TLN2: variants seen among roughly 807,000 people sequenced by gnomAD.
TLN2 encodes talin-2.
In TLN2, 118 loss-of-function variants were observed where a neutral mutation model predicts 294.7. That is an observed-to-expected ratio of 0.40 (90% confidence interval 0.34 to 0.47). The LOEUF (loss-of-function observed/expected upper bound fraction) is 0.47. Among genes scored for constraint, TLN2 ranks in the 20% least tolerant of loss-of-function variants. The pLI, the probability that TLN2 is intolerant of heterozygous loss-of-function variation, is 0.84. For missense variants in TLN2, 3,083 were observed against 3,282.2 expected, an observed-to-expected ratio of 0.94 and a Z score of 1.48; for synonymous variants, 1,431 against 1,304.5, an observed-to-expected ratio of 1.10 and a Z score of -2.09.
intron 3 of TLN2, among the ~76,000 whole-genome samples, chr15:62,632,194 A>C (rs2049965900): frequency 6.6e-6 from 1 of 152,244 alleles, no homozygotes; most frequent in Non-Finnish European, 1.5e-5. Flanking sequence ...TCTGGGGACT[A>C]GTGCCCCTGT....
rs143143109 is a variant in TLN2 at position 62,403,975 on chromosome 15, G to T, written c.-238+13290G>T. Among the ~76,000 whole-genome samples the T allele has an allele frequency of 4.6e-5, 7 of 152,258 alleles. No individual in the cohort carries two copies. The East Asian group carries it at 1.3e-3, about 29-fold the overall frequency. On this transcript the variant is annotated intron_variant, in intron 1 of 58. Transcript: ENST00000636159. ...CATCTCTGCCGCTGTATCCCCAAGT[G>T]CCTGCAAGAATGCCTGGCACATGAT...
chr15:62,410,634 T>G (rs1255049396), intron 1 of TLN2, among the ~76,000 whole-genome samples: 2 of 152,174 alleles, frequency 1.3e-5, no homozygotes, highest in Admixed American at 6.5e-5. Flanking sequence ...GTGGGCTGGG[T>G]GGAGTGGAAT....
In TLN2 at chr15:62,707,169, C is replaced by T. The variant is rs750372670; in HGVS notation, c.2088C>T (p.Ala696=). 42 of 1,614,016 alleles carry T rather than the reference C, an allele frequency of 2.6e-5. No individual in the cohort carries two copies. The highest frequency in any genetic ancestry group is 1.7e-4 in the Admixed American group (10 of 60,002). The change falls in exon 20 of 59, where the codon GCC becomes GCT. Residue 696 remains alanine (A), a synonymous_variant. Coordinates refer to ENST00000636159, the MANE Select transcript of TLN2 (RefSeq NM_015059.3). ...VLKAKNVAQV[A]EDTVLQNRVI... ...AGGCAAAGAATGTTGCCCAAGTGGCCGAAGACACTGTCCTACAGAACAGGG... is the reference window on the plus strand; with the variant it reads ...AGGCAAAGAATGTTGCCCAAGTGGCTGAAGACACTGTCCTACAGAACAGGG...
chr15:62,716,193 T>C, intron 22 of TLN2, 138 bp from the exon 23 acceptor site: 1 of 1,111,542 alleles, frequency 9.0e-7, no homozygotes. Context: ...GGAAACATCT[T>C]CATCATAAAG....
At chr15:62,751,409 T>C (rs1567526253) in intron 34 of TLN2, among the ~76,000 whole-genome samples, 1 of 152,230 alleles carries the variant, frequency 6.6e-6, no homozygotes, top group Non-Finnish European at 1.5e-5. Flanking sequence ...ATGGATTGTC[T>C]AAGGGAAAGA....
At chr15:62,801,562 G>A (rs2065929033) in intron 50 of TLN2, among the ~76,000 whole-genome samples, 1 of 152,168 alleles carries the variant, frequency 6.6e-6, no homozygotes, top group African/African-American at 2.4e-5. Flanking sequence ...AAGCGACCTA[G>A]AGCACTAGAA....
rs149659679 is a variant in TLN2, at chr15:62,620,618, A to T, written c.-37+2143A>T. Among the ~76,000 whole-genome samples the T allele has an allele frequency of 2.7e-3, 413 of 151,596 alleles. 4 individuals carry two copies. The highest frequency in any genetic ancestry group is 9.2e-3 in the African/African-American group (380 of 41,274). On this transcript the variant is annotated intron_variant, in intron 3 of 58. Coordinates refer to ENST00000636159, the MANE Select transcript of TLN2 (RefSeq NM_015059.3). ...CTCAGCCTCCCTAATAGCGGGCACT[A>T]CAGGAGTGTGCCACCATGCCTGGCT...
intron 37 of TLN2, 96 bp from the exon 38 acceptor site, chr15:62,761,585 G>A (rs1343765779): frequency 1.3e-6 from 2 of 1,548,838 alleles, no homozygotes; most frequent in Non-Finnish European, 1.8e-6. Flanking sequence ...CAGTGTTCCG[G>A]TTGAACCACC....
intron 55 of TLN2, 39 bp from the exon 56 acceptor site, chr15:62,835,698 G>C: frequency 6.2e-7 from 1 of 1,612,730 alleles, no homozygotes; most frequent in Non-Finnish European, 8.5e-7. Flanking sequence ...CACTGGGGCT[G>C]CCTGCCCTCA....
chr15:62,650,736 T>G (rs1310676838), intron 5 of TLN2, among the ~76,000 whole-genome samples: 1 of 152,202 alleles, frequency 6.6e-6, no homozygotes, highest in Non-Finnish European at 1.5e-5. Flanking sequence ...GGTTTTGGTA[T>G]GTAGGGTGAA....
intron 1 of TLN2, among the ~76,000 whole-genome samples, chr15:62,460,274 T>C (rs2140338722): frequency 6.6e-6 from 1 of 151,892 alleles, no homozygotes; most frequent in Non-Finnish European, 1.5e-5. Context: ...TTTTTTTTTT[T>C]TTTCCCTTGA....
rs375571258 is a variant in TLN2, at chr15:62,706,934, C to T, written c.2005-152C>T. ...TACAAGTCTCCTTTTTTAATTACTT[C>T]TAAGGATAAGTTGACATTTCAAAAA... On this transcript the variant is annotated intron_variant, in intron 19 of 58. Coordinates refer to ENST00000636159, the MANE Select transcript of TLN2 (RefSeq NM_015059.3). The T allele has an allele frequency of 7.9e-6, 7 of 886,222 alleles. No homozygotes were observed. In the South Asian group the frequency reaches 1.5e-4, roughly 19 times the overall value. 54.9% of individuals were successfully genotyped at this position (886,222 alleles called of 1,614,324 possible).
chr15:62,651,505 T>C (rs1596499592), intron 5 of TLN2, among the ~76,000 whole-genome samples: 1 of 152,146 alleles, frequency 6.6e-6, no homozygotes. Context: ...AGATTGTATA[T>C]GGAAATAATG....
intron 52 of TLN2, 84 bp from the exon 53 acceptor site, chr15:62,819,432 C>A: frequency 1.7e-6 from 2 of 1,160,996 alleles, no homozygotes; most frequent in Non-Finnish European, 2.6e-6. Context: ...TGCCTGACTC[C>A]ACATCCAGCA....
At chr15:62,536,206 CGGG>C (rs1382536852) in intron 1 of TLN2, among the ~76,000 whole-genome samples, 1 of 152,108 alleles carries the variant, frequency 6.6e-6, no homozygotes. Context: ...GTAGAATCAC[CGGG>C]GGATCTTTTA....
chr15:62,536,731 G>C (rs1316627246), intron 1 of TLN2, among the ~76,000 whole-genome samples: 1 of 152,138 alleles, frequency 6.6e-6, no homozygotes, highest in African/African-American at 2.4e-5. Context: ...TCCTGACCGA[G>C]CTATTCGCAA....
At chr15:62,641,341 G>A (rs1456648854) in intron 3 of TLN2, among the ~76,000 whole-genome samples, 3 of 152,142 alleles carry the variant, frequency 2.0e-5, no homozygotes. Flanking sequence ...CCCAGGCCGG[G>A]CACGGTGGCT....
intron 1 of TLN2, among the ~76,000 whole-genome samples, chr15:62,541,958 A>G (rs925179989): frequency 6.6e-6 from 1 of 151,438 alleles, no homozygotes; most frequent in Non-Finnish European, 1.5e-5. Flanking sequence ...AAATATTTTA[A>G]TATACTAGAT....
At chr15:62,579,739 A>G (rs1330270737) in intron 1 of TLN2, among the ~76,000 whole-genome samples, 1 of 152,206 alleles carries the variant, frequency 6.6e-6, no homozygotes, top group Non-Finnish European at 1.5e-5. Context: ...AAGGAAACTC[A>G]GGTGAGATTC....
Sources: gnomAD v4.1 joint callset for allele counts (sites outside exome capture counted in the v4.1 genomes callset) on GRCh38, gnomAD v4.1.1 for gene constraint, MANE v1.5 for transcripts, NCBI Gene and HGNC (gene_info 2026-07-23, HGNC 2026-07-21) for gene names.